Variants in CDCA8 observed in about 807,000 individuals in gnomAD.
The protein encoded by CDCA8 is borealin.
A neutral mutation model predicts 40.0 loss-of-function variants in CDCA8; 25 were observed. The observed-to-expected ratio is 0.63, with a 90% CI of 0.46 to 0.87. The LOEUF (loss-of-function observed/expected upper bound fraction) is 0.87. CDCA8 is among the 40% of genes least tolerant of loss of function. CDCA8 has a pLI of 0.00. For synonymous variants in CDCA8, 111 were observed against 126.5 expected, an observed-to-expected ratio of 0.88 and a Z score of 0.82; for missense variants, 280 against 348.4, an observed-to-expected ratio of 0.80 and a Z score of 1.56.
In CDCA8 at chr1:37,695,944, G is replaced by A. The variant is rs202090005; in HGVS notation, c.258G>A (p.Ala86=). Residue 86 remains alanine (A), a synonymous_variant, in exon 3 of 10, where the codon GCG becomes GCA. Transcript: ENST00000373055. ...GAAACAAACAGGCCCTGGAAGAGGCGGCAACAGTAAGTGACCTTTCCTATT... is the reference window on the plus strand; with the variant it reads ...GAAACAAACAGGCCCTGGAAGAGGCAGCAACAGTAAGTGACCTTTCCTATT... ...LGGNKQALEE[A]ATADLDITEI... 65 of 1,613,712 alleles carry A rather than the reference G, an allele frequency of 4.0e-5. No homozygotes were observed. In the South Asian group the frequency reaches 5.4e-4, roughly 13 times the overall value.
intron 2 of CDCA8, among the ~76,000 whole-genome samples, chr1:37,693,557 C>G (rs1471403966): frequency 7.2e-5 from 11 of 151,932 alleles, no homozygotes; most frequent in Admixed American, 7.2e-4. Context: ...TGCCACCATG[C>G]CCCGCTGATT....
intron 7 of CDCA8, among the ~76,000 whole-genome samples, chr1:37,704,705 T>TGAG (rs1395969310): frequency 7.5e-6 from 1 of 133,492 alleles, no homozygotes; most frequent in Non-Finnish European, 1.5e-5. Context: ...TGGAGTGCAA[T>TGAG]GGCACAATCT....
At chr1:37,707,400 G>A (rs183585259) in intron 9 of CDCA8, among the ~76,000 whole-genome samples, 17 of 152,282 alleles carry the variant, frequency 1.1e-4, no homozygotes, top group African/African-American at 3.9e-4. Context: ...AATGAGGGTC[G>A]GGGCTTGTTA....
intron 3 of CDCA8, among the ~76,000 whole-genome samples, chr1:37,698,378 A>AACTATTGAT (rs1645541207): frequency 6.6e-6 from 1 of 152,258 alleles, no homozygotes; most frequent in Non-Finnish European, 1.5e-5. Context: ...AATAGCAGGA[A>AACTATTGAT]ACTATTGATG....
intron 9 of CDCA8, 87 bp from the exon 10 acceptor site, chr1:37,708,235 G>A: frequency 8.9e-7 from 1 of 1,127,620 alleles, no homozygotes; most frequent in Non-Finnish European, 1.4e-6. Flanking sequence ...GATAGAGAAT[G>A]GAGGGGCTCA....
At chr1:37,699,586 GAA>G in intron 4 of CDCA8, among the ~76,000 whole-genome samples, 1 of 638 alleles carries the variant, frequency 1.6e-3, no homozygotes, top group South Asian at 0.1. Context: ...AAGAAAGAAA[GAA>G]AGGAAAGGAA....
chr1:37,695,694 T>G (rs1645521956), intron 2 of CDCA8, among the ~76,000 whole-genome samples: 1 of 152,092 alleles, frequency 6.6e-6, no homozygotes, highest in East Asian at 1.9e-4. Flanking sequence ...AGTACGGAGG[T>G]GAATTTCAGG....
At position 37,707,091 on chromosome 1, in the gene CDCA8, T is replaced by C. The variant is rs757125175; in HGVS notation, c.798+27T>C. On this transcript the variant is annotated intron_variant, in intron 9 of 9. Coordinates refer to ENST00000373055, the MANE Select transcript of CDCA8 (RefSeq NM_001256875.2). ...TAAGTCTCATATTCATCTCCACACATAGGATGCCTCCAGTAGCTTTCTTGG... is the reference window on the plus strand; with the variant it reads ...TAAGTCTCATATTCATCTCCACACACAGGATGCCTCCAGTAGCTTTCTTGG... 9.0e-6 allele frequency: 14 copies of C among 1,548,718 alleles called. No individual in the cohort carries two copies. The South Asian group carries it at 1.2e-4, about 14-fold the overall frequency.
chr1:37,702,280 C>T (rs1645570666), intron 6 of CDCA8, among the ~76,000 whole-genome samples: 1 of 151,534 alleles, frequency 6.6e-6, no homozygotes. Context: ...CTCAGGTGAT[C>T]CACCCACCTC....
chr1:37,704,527 G>A (rs1020259865), intron 7 of CDCA8, among the ~76,000 whole-genome samples: 1 of 151,908 alleles, frequency 6.6e-6, no homozygotes, highest in Admixed American at 6.6e-5. Context: ...AAAGTTTCTG[G>A]AAGGATAGAT....
In CDCA8 at chr1:37,692,873, ACCCGTGT is replaced by A. The variant is rs780652027; in HGVS notation, c.95-29_95-23del. 4.3e-6 allele frequency: 7 copies of A among 1,613,254 alleles called. No homozygotes were observed. In the African/African-American group the frequency reaches 9.3e-5, roughly 22 times the overall value. On this transcript the variant is annotated intron_variant, in intron 1 of 9. Transcript: ENST00000373055. ...AGCTGCACAGATTCGCCCGCCCGTGACCCGTGTCCTGTCGGCTCTGCCCTCCCGCAGT... is the reference window on the plus strand; with the variant it reads ...AGCTGCACAGATTCGCCCGCCCGTGACCTGTCGGCTCTGCCCTCCCGCAGT...
Position 37,708,764 on chromosome 1 carries a change from C to G in CDCA8, c.*398C>G, listed in dbSNP as rs1381371799. On this transcript the variant is annotated 3_prime_UTR_variant, in exon 10 of 10. Coordinates refer to ENST00000373055, the MANE Select transcript of CDCA8 (RefSeq NM_001256875.2). ...CCTCCACCACCGCTACCCAGAGAAC[C>G]TCTGCATCTGGCATTTCTGCTCTCT... The G allele has an allele frequency of 7.2e-6, 2 of 279,460 alleles. No individual in the cohort carries two copies. Among genetic ancestry groups the G allele is most frequent in the Admixed American group, 8.9e-5 (2 of 22,400 alleles). 17.3% of individuals were successfully genotyped at this position (279,460 alleles called of 1,614,324 possible). A position where few individuals can be genotyped will look rare whatever the true frequency, so the allele number is the denominator to read the frequency against.
At chr1:37,707,164 A>T in intron 9 of CDCA8, 100 bp downstream of exon 9, 1 of 842,522 alleles carries the variant, frequency 1.2e-6, no homozygotes, top group Admixed American at 2.1e-5. Context: ...AATACTTTCT[A>T]CTTAAATTTG....
In CDCA8 at chr1:37,692,701, G is replaced by A. The variant is rs936678581; in HGVS notation, c.11G>A (p.Arg4Lys). Residue 4 changes from arginine to lysine, a missense_variant, in exon 1 of 10, where the codon AGG becomes AAG. Arg to Lys is a conservative substitution (Grantham distance 26). Coordinates refer to ENST00000373055, the MANE Select transcript of CDCA8 (RefSeq NM_001256875.2). MAP[R>K]KGSSRVAKTN... ...CCTCCGCCGAGCGCCATGGCTCCTA[G>A]GAAGGGCAGTAGTCGGGTGGCCAAG... 7 of 1,612,876 alleles carry A rather than the reference G, an allele frequency of 4.3e-6. No homozygotes were observed. Among genetic ancestry groups the A allele is most frequent in the African/African-American group, 1.3e-5 (1 of 74,920 alleles).
Position 37,705,479 on chromosome 1 carries a change from G to A in CDCA8, c.623G>A (p.Gly208Glu). The A allele has an allele frequency of 6.2e-7, 1 of 1,614,064 alleles. No individual in the cohort carries two copies. Among genetic ancestry groups the A allele is most frequent in the Non-Finnish European group, 8.5e-7 (1 of 1,180,000 alleles). ...CCTGGCCTGCGTACTCCAGCAGCAG[G>A]AGAGCGGATTTACAACATCTCAGGG... ...KTPGLRTPAA[G>E]ERIYNISGNG... Residue 208 changes from glycine (G) to glutamate (E), a missense_variant, in exon 8 of 10, where the codon GGA (glycine) becomes GAA (glutamate). Gly to Glu is a moderately conservative substitution (Grantham distance 98). Transcript: ENST00000373055.
chr1:37,705,672 G>A (rs945435002), intron 8 of CDCA8, 105 bp downstream of exon 8: 22 of 1,351,034 alleles, frequency 1.6e-5, no homozygotes, highest in Admixed American at 7.4e-5. Context: ...CTTTCAGTGC[G>A]TGGGTCCTGA....
At position 37,708,618 on chromosome 1, in the gene CDCA8, G is replaced by A. The variant is rs955073839; in HGVS notation, c.*252G>A. The A allele has an allele frequency of 3.7e-6, 2 of 539,608 alleles. No homozygotes were observed. The highest frequency in any genetic ancestry group is 6.7e-6 in the Non-Finnish European group (2 of 298,876). 33.4% of individuals were successfully genotyped at this position (539,608 alleles called of 1,614,324 possible). A position where few individuals can be genotyped will look rare whatever the true frequency, so the allele number is the denominator to read the frequency against. ...ATGGAAGCTTCCCATCAGTCTCCCA[G>A]CTGAATCCTCCCTGCTCTCTGAGCT... On this transcript the variant is annotated 3_prime_UTR_variant, in exon 10 of 10. Coordinates refer to ENST00000373055, the MANE Select transcript of CDCA8 (RefSeq NM_001256875.2).
intron 7 of CDCA8, among the ~76,000 whole-genome samples, chr1:37,703,740 G>A (rs1008414695): frequency 3.9e-5 from 6 of 151,984 alleles, no homozygotes; most frequent in African/African-American, 9.7e-5. Context: ...AAATAGTCCC[G>A]AGTCCTTGGC....
At chr1:37,707,119 T>C in intron 9 of CDCA8, 55 bp downstream of exon 9, 3 of 1,288,758 alleles carry the variant, frequency 2.3e-6, no homozygotes, top group Non-Finnish European at 3.4e-6. Flanking sequence ...TTTCTTGGGC[T>C]ACCTTTATTT....
Sources: allele counts gnomAD v4.1 joint callset (sites outside exome capture counted in the v4.1 genomes callset), GRCh38; gene constraint gnomAD v4.1.1; transcripts MANE v1.5; gene names NCBI Gene and HGNC (gene_info 2026-07-23, HGNC 2026-07-21).